CAV1: variants seen among roughly 807,000 people sequenced by gnomAD.
CAV1 encodes caveolin 1.
CAV1 carries 10 observed loss-of-function variants against 16.5 expected under a neutral mutation model. The ratio of observed to expected loss-of-function variants is 0.61; its 90% CI spans 0.37 to 1.03. The LOEUF is 1.03. Ranked by LOEUF, CAV1 falls within the 50% of genes least tolerant of loss-of-function variation. The pLI is 0.01. For missense variants in CAV1, 212 were observed against 232.8 expected (o/e 0.91, Z 0.58); for synonymous variants, 76 against 85.1 (o/e 0.89, Z 0.59).
intron 2 of CAV1, among the ~76,000 whole-genome samples, chr7:116,539,768 G>A (rs1793899739): frequency 6.6e-6 from 1 of 152,036 alleles, no homozygotes; most frequent in African/African-American, 2.4e-5. Context: ...GGGGGATAAG[G>A]CTAATCTCCT....
At chr7:116,541,836 A>G (rs1793947666) in intron 2 of CAV1, among the ~76,000 whole-genome samples, 1 of 151,682 alleles carries the variant, frequency 6.6e-6, no homozygotes, top group South Asian at 2.1e-4. Context: ...GGAATGTGTC[A>G]CCAGAGGTTA....
intron 2 of CAV1, 97 bp downstream of exon 2, chr7:116,526,786 A>C (rs895891998): frequency 3.8e-6 from 5 of 1,328,926 alleles, no homozygotes; most frequent in Non-Finnish European, 4.2e-6. Flanking sequence ...CGCACACCCC[A>C]CCCCGCCCCC....
chr7:116,548,092 C>A (rs1454025531), intron 2 of CAV1, among the ~76,000 whole-genome samples: 1 of 152,108 alleles, frequency 6.6e-6, no homozygotes, highest in Non-Finnish European at 1.5e-5. Flanking sequence ...CTAAGGTATC[C>A]TTGTTTCTCA....
chr7:116,551,244 GAACCC>G (rs1425112374), intron 2 of CAV1, among the ~76,000 whole-genome samples: 3 of 152,176 alleles, frequency 2.0e-5, no homozygotes, highest in African/African-American at 7.2e-5. Flanking sequence ...TGAGAAATGA[GAACCC>G]TGTGCTAGTG....
At chr7:116,543,933 C>G (rs1793988401) in intron 2 of CAV1, among the ~76,000 whole-genome samples, 1 of 152,162 alleles carries the variant, frequency 6.6e-6, no homozygotes, top group African/African-American at 2.4e-5. Context: ...CATTACCTAG[C>G]TGTAAAGAGT....
At chr7:116,525,173 T>G in intron 1 of CAV1, 81 bp downstream of exon 1, 1 of 1,613,550 alleles carries the variant, frequency 6.2e-7, no homozygotes, top group Non-Finnish European at 8.5e-7. Context: ...ATATCCCGAC[T>G]GCTGCCCTGG....
chr7:116,553,892 C>G (rs965789206), intron 2 of CAV1, among the ~76,000 whole-genome samples: 2 of 152,150 alleles, frequency 1.3e-5, no homozygotes, highest in African/African-American at 4.8e-5. Flanking sequence ...TCTTGATAGC[C>G]TGAGGATGTT....
At chr7:116,551,032 T>C (rs997492229) in intron 2 of CAV1, among the ~76,000 whole-genome samples, 2 of 152,166 alleles carry the variant, frequency 1.3e-5, no homozygotes, top group Non-Finnish European at 2.9e-5. Flanking sequence ...GGAGAAAGAA[T>C]GGCATATGCA....
intron 2 of CAV1, among the ~76,000 whole-genome samples, chr7:116,544,700 T>C (rs1327985866): frequency 6.6e-6 from 1 of 152,186 alleles, no homozygotes; most frequent in Non-Finnish European, 1.5e-5. Flanking sequence ...GTTTGAGGAA[T>C]TGTCCTGGGA....
chr7:116,538,160 C>T (rs145525583), intron 2 of CAV1, among the ~76,000 whole-genome samples: 3 of 152,144 alleles, frequency 2.0e-5, no homozygotes, highest in Admixed American at 6.5e-5. Flanking sequence ...TTTGTGGGAC[C>T]ACACCAGTAC....
At chr7:116,547,159 T>C (rs1211282538) in intron 2 of CAV1, among the ~76,000 whole-genome samples, 1 of 152,170 alleles carries the variant, frequency 6.6e-6, no homozygotes, top group East Asian at 1.9e-4. Flanking sequence ...ACTAACTACA[T>C]CTGCAATGAC....
chr7:116,538,840 TG>T (rs997805071), intron 2 of CAV1, among the ~76,000 whole-genome samples: 5 of 152,192 alleles, frequency 3.3e-5, no homozygotes, highest in Non-Finnish European at 5.9e-5. Flanking sequence ...ACATCTTACA[TG>T]GTGGCAGACA....
chr7:116,532,773 T>C (rs897562517), intron 2 of CAV1, among the ~76,000 whole-genome samples: 8 of 152,334 alleles, frequency 5.3e-5, no homozygotes, highest in Middle Eastern at 3.4e-3. Flanking sequence ...AAAACTTGAA[T>C]GTGGTGATTC....
In CAV1 at chr7:116,559,614, GAA is replaced by G. The variant is rs71528103; in HGVS notation, c.*340_*341del. 2.7e-3 allele frequency: 1,023 copies of G among 378,448 alleles called. No homozygotes were observed. Among genetic ancestry groups the G allele is most frequent in the South Asian group, 8.7e-3 (116 of 13,402 alleles). 23.4% of individuals were successfully genotyped at this position (378,448 alleles called of 1,614,324 possible). A position where few individuals can be genotyped will look rare whatever the true frequency, so the allele number is the denominator to read the frequency against. ...GAGAGAAATATGAAGAACTGAGGAG[GAA>G]AAAAAAAAAAAAGAAAAGAACCAAC... On this transcript the variant is annotated 3_prime_UTR_variant, in exon 3 of 3. Coordinates refer to ENST00000341049, the MANE Select transcript of CAV1 (RefSeq NM_001753.5).
chr7:116,532,865 T>C (rs2115964397), intron 2 of CAV1, among the ~76,000 whole-genome samples: 1 of 152,322 alleles, frequency 6.6e-6, no homozygotes, highest in Admixed American at 6.5e-5. Context: ...AGGTGTGGTT[T>C]CAGCATAATG....
At chr7:116,528,269 C>T (rs1399797109) in intron 2 of CAV1, among the ~76,000 whole-genome samples, 4 of 152,032 alleles carry the variant, frequency 2.6e-5, no homozygotes, top group Non-Finnish European at 5.9e-5. Context: ...GGTCTCCACA[C>T]ATAGCATGAC....
chr7:116,542,653 A>T (rs1793963947), intron 2 of CAV1: 2 of 152,202 alleles, frequency 1.3e-5, no homozygotes, highest in Non-Finnish European at 2.9e-5. Flanking sequence ...ACACTGCTTT[A>T]GCAACTACAT....
At chr7:116,550,411 C>G (rs1210267299) in intron 2 of CAV1, among the ~76,000 whole-genome samples, 5 of 152,120 alleles carry the variant, frequency 3.3e-5, no homozygotes, top group African/African-American at 9.7e-5. Context: ...TCCTGGGAAC[C>G]CCCGTCAACA....
At chr7:116,541,259 AC>A (rs2116015396) in intron 2 of CAV1, among the ~76,000 whole-genome samples, 1 of 152,184 alleles carries the variant, frequency 6.6e-6, no homozygotes, top group East Asian at 1.9e-4. Flanking sequence ...CCAAGAGGAA[AC>A]CCAGGGTAAG....
Sources: gnomAD v4.1 joint callset for allele counts (sites outside exome capture counted in the v4.1 genomes callset) on GRCh38, gnomAD v4.1.1 for gene constraint, MANE v1.5 for transcripts, NCBI Gene and HGNC (gene_info 2026-07-23, HGNC 2026-07-21) for gene names.